The following FTO variants were observed in gnomAD, a reference collection of about 807,000 sequenced individuals.
The protein encoded by FTO is alpha-ketoglutarate-dependent dioxygenase FTO.
In FTO, 47 loss-of-function variants were observed where a neutral mutation model predicts 63.9. That is an observed-to-expected ratio of 0.74 (90% CI 0.58 to 0.94). The LOEUF is 0.94. Among genes scored for constraint, FTO ranks in the 40% least tolerant of loss-of-function variants. The pLI, the probability that FTO is intolerant of heterozygous loss-of-function variation, is 0.00. For synonymous variants in FTO, 207 were observed against 224.4 expected (o/e 0.92, Z 0.69); for missense variants, 562 against 618.1 (o/e 0.91, Z 0.96).
intron 8 of FTO, among the ~76,000 whole-genome samples, chr16:53,996,793 G>A (rs1398452208): frequency 6.6e-6 from 1 of 152,020 alleles, no homozygotes; most frequent in African/African-American, 2.4e-5. Flanking sequence ...CGAGCAAAAG[G>A]GGGAAAAGCC....
At chr16:53,823,224 T>C (rs1291317382) in intron 2 of FTO, among the ~76,000 whole-genome samples, 1 of 152,232 alleles carries the variant, frequency 6.6e-6, no homozygotes, top group Non-Finnish European at 1.5e-5. Flanking sequence ...GGCCTCTCAG[T>C]GTCAGGTGAC....
At chr16:53,836,208 G>A (rs1233532558) in intron 3 of FTO, among the ~76,000 whole-genome samples, 1 of 152,132 alleles carries the variant, frequency 6.6e-6, no homozygotes, top group East Asian at 1.9e-4. Flanking sequence ...TGAATTTTCA[G>A]TATTGAAATA....
At chr16:53,789,461 C>T (rs1389479650) in intron 1 of FTO, among the ~76,000 whole-genome samples, 1 of 152,068 alleles carries the variant, frequency 6.6e-6, no homozygotes, top group African/African-American at 2.4e-5. Flanking sequence ...AACTTTGAAG[C>T]TAGAGAATAC....
At chr16:54,037,858 AG>A (rs1207934407) in intron 8 of FTO, among the ~76,000 whole-genome samples, 4 of 152,236 alleles carry the variant, frequency 2.6e-5, no homozygotes, top group Admixed American at 2.0e-4. Flanking sequence ...TATATCAACT[AG>A]GCTTGTTAGA....
intron 1 of FTO, among the ~76,000 whole-genome samples, chr16:53,767,503 TA>T (rs879931054): frequency 1.2e-4 from 18 of 151,674 alleles, no homozygotes; most frequent in Admixed American, 5.9e-4. Flanking sequence ...TAAAGTATAA[TA>T]AAAAAAATAA....
At chr16:53,965,231 G>A (rs1260020326) in intron 8 of FTO, among the ~76,000 whole-genome samples, 1 of 152,096 alleles carries the variant, frequency 6.6e-6, no homozygotes, top group African/African-American at 2.4e-5. Flanking sequence ...GCGTCACCAC[G>A]CCTGGCTTGT....
chr16:53,911,794 A>G (rs909736847), intron 7 of FTO, among the ~76,000 whole-genome samples: 2 of 152,212 alleles, frequency 1.3e-5, no homozygotes, highest in Admixed American at 6.5e-5. Flanking sequence ...ATGGGAGGCA[A>G]TTTAGCAATG....
At chr16:53,974,094 C>G (rs1304460408) in intron 8 of FTO, among the ~76,000 whole-genome samples, 1 of 152,126 alleles carries the variant, frequency 6.6e-6, no homozygotes, top group African/African-American at 2.4e-5. Flanking sequence ...GTTTTGTGAT[C>G]TCTGAACTTT....
intron 8 of FTO, among the ~76,000 whole-genome samples, chr16:53,984,648 G>A (rs1436613427): frequency 6.6e-6 from 1 of 152,092 alleles, no homozygotes; most frequent in African/African-American, 2.4e-5. Context: ...AAAGTACATT[G>A]TGAGGCAGGA....
intron 8 of FTO, chr16:53,992,040 T>A (rs1289729585): frequency 6.6e-6 from 1 of 152,072 alleles, no homozygotes; most frequent in Admixed American, 6.6e-5. Flanking sequence ...ACTTTGAGCG[T>A]TAGAAGTTTC....
chr16:53,970,107 G>A (rs1031617421), intron 8 of FTO, among the ~76,000 whole-genome samples: 1 of 152,208 alleles, frequency 6.6e-6, no homozygotes, highest in Non-Finnish European at 1.5e-5. Flanking sequence ...ATGGTGAGGA[G>A]AGTAGTAGAT....
chr16:53,704,221 G>T lies in FTO; in HGVS notation c.37G>T (p.Glu13Ter). The T allele has an allele frequency of 6.4e-7, 1 of 1,551,520 alleles. No individual in the cohort carries two copies. The highest frequency in any genetic ancestry group is 1.2e-5 in the South Asian group (1 of 84,058). ...CCCGACTGCCGAGGAACGAGAGCGC[G>T]AAGCTAAGGTATGTCGGGCTCCCGG... is the stretch of plus-strand genomic sequence containing the variant. ...RTPTAEEREREAKKLRLLEEL... is the reference protein window; with the variant it reads ...RTPTAEERER Residue 13 changes from glutamate (E) to a stop codon, truncating the protein, a stop_gained, in exon 1 of 9, where the codon GAA (glutamate) becomes TAA (stop). Coordinates refer to ENST00000471389, the MANE Select transcript of FTO (RefSeq NM_001080432.3). LOFTEE classifies it high-confidence loss of function.
chr16:53,784,251 A>G (rs546680700), intron 1 of FTO, among the ~76,000 whole-genome samples: 10 of 152,278 alleles, frequency 6.6e-5, no homozygotes, highest in African/African-American at 2.4e-4. Context: ...GTACATTTCC[A>G]CTGTGAAAAC....
chr16:53,793,220 A>G (rs1405817483), intron 1 of FTO, among the ~76,000 whole-genome samples: 1 of 152,208 alleles, frequency 6.6e-6, no homozygotes, highest in Admixed American at 6.5e-5. Context: ...TCAGAATATT[A>G]TAAACCACCC....
chr16:53,724,358 G>T, intron 1 of FTO, among the ~76,000 whole-genome samples: 1 of 152,168 alleles, frequency 6.6e-6, no homozygotes, highest in East Asian at 1.9e-4. Flanking sequence ...TAAAGGTGTT[G>T]GTCTACACCA....
At chr16:54,066,121 G>A (rs935598387) in intron 8 of FTO, among the ~76,000 whole-genome samples, 5 of 152,216 alleles carry the variant, frequency 3.3e-5, no homozygotes, top group African/African-American at 4.8e-5. Flanking sequence ...ACTAGCATCT[G>A]AGGAGTTACC....
At position 53,869,398 on chromosome 16, in the gene FTO, C is replaced by T. The variant is rs190281712; in HGVS notation, c.896-4388C>T. ...GGTTTTTTTCCTGAGCTTCCCGAGT[C>T]TCTAGTTTGGTGTCTAACATTAATT... On this transcript the variant is annotated intron_variant, in intron 4 of 8. Coordinates refer to ENST00000471389, the MANE Select transcript of FTO (RefSeq NM_001080432.3). Among the ~76,000 whole-genome samples the T allele has an allele frequency of 3.3e-3, 499 of 152,024 alleles. 3 individuals are homozygous for T. Among genetic ancestry groups the T allele is most frequent in the African/African-American group, 0.011 (465 of 41,466 alleles).
intron 1 of FTO, among the ~76,000 whole-genome samples, chr16:53,753,993 AT>A (rs1395768900): frequency 6.6e-6 from 1 of 152,126 alleles, no homozygotes; most frequent in Non-Finnish European, 1.5e-5. Flanking sequence ...TCTCCATTTA[AT>A]TTTTATATCT....
chr16:54,035,884 C>T (rs1260230691), intron 8 of FTO, among the ~76,000 whole-genome samples: 1 of 152,156 alleles, frequency 6.6e-6, no homozygotes, highest in East Asian at 1.9e-4. Flanking sequence ...GTGTTGGCTA[C>T]ATTTCTTTCC....
Sources: allele counts gnomAD v4.1 joint callset (sites outside exome capture counted in the v4.1 genomes callset), GRCh38; gene constraint gnomAD v4.1.1; transcripts MANE v1.5; gene names NCBI Gene and HGNC (gene_info 2026-07-23, HGNC 2026-07-21).